KIAA0232: variants seen among roughly 807,000 people sequenced by gnomAD.
The protein encoded by KIAA0232 is uncharacterized protein KIAA0232.
In KIAA0232, 27 loss-of-function variants were observed where a neutral mutation model predicts 122.0. That is an observed-to-expected ratio of 0.22 (90% CI 0.16 to 0.31). The LOEUF is 0.31. Ranked by LOEUF, KIAA0232 falls within the 10% of genes least tolerant of loss-of-function variation. The pLI is 1.00. For synonymous variants in KIAA0232, 613 were observed against 587.6 expected (o/e 1.04, Z -0.63); for missense variants, 1,551 against 1,634.2 (o/e 0.95, Z 0.88).
Position 6,845,589 on chromosome 4 carries a change from AT to A in KIAA0232, c.369+3398del, listed in dbSNP as rs549949161. Among the ~76,000 whole-genome samples, 566 of 146,428 alleles carry A rather than the reference AT, an allele frequency of 3.9e-3. 2 individuals carry two copies. The highest frequency in any genetic ancestry group is 7.3e-3 in the African/African-American group (293 of 40,272). Reference sequence around the variant, plus strand: ...GCTTTTAAAGGAATTCAGAATGCAGATTTTTTTTTTTTTAACAAGCGAGAAG... The same window carrying A: ...GCTTTTAAAGGAATTCAGAATGCAGATTTTTTTTTTTTAACAAGCGAGAAG... On this transcript the variant is annotated intron_variant, in intron 4 of 9. Coordinates refer to ENST00000307659, the MANE Select transcript of KIAA0232 (RefSeq NM_014743.3).
intron 2 of KIAA0232, among the ~76,000 whole-genome samples, chr4:6,821,485 A>G (rs573822266): frequency 3.3e-5 from 5 of 152,040 alleles, no homozygotes; most frequent in African/African-American, 9.7e-5. Context: ...TTGGTTTTCT[A>G]TTCCTATATT....
chr4:6,786,032 C>T (rs964958688), intron 1 of KIAA0232, among the ~76,000 whole-genome samples: 9 of 152,090 alleles, frequency 5.9e-5, no homozygotes, highest in Non-Finnish European at 1.0e-4. Flanking sequence ...TATTCCTTTC[C>T]TCAATCATAG....
intron 1 of KIAA0232, among the ~76,000 whole-genome samples, chr4:6,802,544 C>T (rs553845753): frequency 6.6e-6 from 1 of 151,430 alleles, no homozygotes; most frequent in Non-Finnish European, 1.5e-5. Context: ...CTCAACCCCC[C>T]CCAACCCACC....
intron 1 of KIAA0232, among the ~76,000 whole-genome samples, chr4:6,791,803 A>G (rs1716905797): frequency 6.6e-6 from 1 of 152,182 alleles, no homozygotes; most frequent in African/African-American, 2.4e-5. Context: ...AATGCTTTCC[A>G]TATCAGACAT....
intron 1 of KIAA0232, among the ~76,000 whole-genome samples, chr4:6,800,863 G>T (rs535546229): frequency 9.8e-4 from 149 of 152,292 alleles, no homozygotes; most frequent in African/African-American, 3.1e-3. Context: ...TTATGTGAGG[G>T]GGGTGATACG....
intron 2 of KIAA0232, among the ~76,000 whole-genome samples, chr4:6,821,655 C>T (rs544446636): frequency 7.5e-5 from 11 of 147,294 alleles, no homozygotes; most frequent in Non-Finnish European, 1.5e-4. Context: ...CGTGTATATA[C>T]GTGTATGTGT....
In KIAA0232 at chr4:6,863,555, T is replaced by G. The variant is rs202226203; in HGVS notation, c.3173T>G (p.Phe1058Cys). The G allele has an allele frequency of 3.2e-5, 51 of 1,614,202 alleles. No individual in the cohort carries two copies. Among genetic ancestry groups the G allele is most frequent in the Non-Finnish European group, 1.7e-6 (2 of 1,180,046 alleles). The change falls in exon 7 of 10, where the codon TTT (phenylalanine) becomes TGT (cysteine). Residue 1058 changes from phenylalanine (F) to cysteine (C), a missense_variant. By Grantham distance (205) the Phe-to-Cys change is radical (BLOSUM62 -2). Transcript: ENST00000307659. ...FSQVLHVECS[F>C]EPEGIASFSP... is the part of the protein sequence containing the mutation. ...CAAGTTCTTCATGTAGAATGCTCATTTGAACCTGAAGGGATTGCATCTTTC... is the reference window on the plus strand; with the variant it reads ...CAAGTTCTTCATGTAGAATGCTCATGTGAACCTGAAGGGATTGCATCTTTC...
At chr4:6,803,393 A>G (rs1182691852) in intron 1 of KIAA0232, among the ~76,000 whole-genome samples, 1 of 152,182 alleles carries the variant, frequency 6.6e-6, no homozygotes. Flanking sequence ...ATGAATGCCA[A>G]ACATTGAAAC....
intron 4 of KIAA0232, 84 bp from the exon 5 acceptor site, chr4:6,857,080 C>A: frequency 1.2e-6 from 1 of 867,970 alleles, no homozygotes; most frequent in Non-Finnish European, 1.7e-6. Context: ...ATTTGTAAAA[C>A]CTGTGTATTA....
chr4:6,861,535 G>T lies in KIAA0232; in HGVS notation c.1153G>T (p.Asp385Tyr), dbSNP rs1243882840. 6.2e-7 allele frequency: 1 copy of T among 1,614,062 alleles called. No homozygotes were observed. The highest frequency in any genetic ancestry group is 8.5e-7 in the Non-Finnish European group (1 of 1,180,020). ...AGATCCTGGGAGCACTGAAGGAAAA[G>T]ACCTGTACATGGAGAATAGAAAGGA... The part of the protein sequence containing the change: ...RKDPGSTEGK[D>Y]LYMENRKDTE... Residue 385 changes from aspartate (D) to tyrosine (Y), a missense_variant, in exon 7 of 10, where the codon GAC becomes TAC. Asp to Tyr is a radical substitution (Grantham distance 160). This residue lies in a region of KIAA0232 where 377 missense variants were observed against 381.7 expected (regional missense o/e 0.99). Coordinates refer to ENST00000307659, the MANE Select transcript of KIAA0232 (RefSeq NM_014743.3).
At chr4:6,806,096 G>A (rs1425307752) in intron 2 of KIAA0232, among the ~76,000 whole-genome samples, 5 of 152,074 alleles carry the variant, frequency 3.3e-5, no homozygotes, top group African/African-American at 9.7e-5. Flanking sequence ...CTTTTGTCCT[G>A]TAAAGTGTCT....
At chr4:6,853,816 ATGT>A (rs1720423358) in intron 4 of KIAA0232, among the ~76,000 whole-genome samples, 1 of 152,214 alleles carries the variant, frequency 6.6e-6, no homozygotes, top group Admixed American at 6.5e-5. Flanking sequence ...AATACTGGAA[ATGT>A]TGTAGGGATG....
chr4:6,820,810 G>A (rs1718388768), intron 2 of KIAA0232, among the ~76,000 whole-genome samples: 1 of 152,176 alleles, frequency 6.6e-6, no homozygotes, highest in African/African-American at 2.4e-5. Flanking sequence ...ATAACAGAAT[G>A]ACACAGATTA....
intron 2 of KIAA0232, among the ~76,000 whole-genome samples, chr4:6,812,359 T>C (rs1423219723): frequency 6.6e-6 from 1 of 152,164 alleles, no homozygotes; most frequent in African/African-American, 2.4e-5. Flanking sequence ...TAGTTTAAAA[T>C]AGCCACATGT....
intron 3 of KIAA0232, among the ~76,000 whole-genome samples, chr4:6,830,863 A>G (rs1159406011): frequency 2.0e-5 from 3 of 152,022 alleles, no homozygotes; most frequent in African/African-American, 7.2e-5. Context: ...CACTGCAGTG[A>G]CAAGACTTGG....
chr4:6,842,458 A>G (rs1233896678), intron 4 of KIAA0232, among the ~76,000 whole-genome samples: 2 of 151,862 alleles, frequency 1.3e-5, no homozygotes, highest in African/African-American at 2.4e-5. Context: ...CAACTCGACT[A>G]TTTCATCCTG....
chr4:6,851,088 A>C (rs922936994), intron 4 of KIAA0232, among the ~76,000 whole-genome samples: 1 of 152,224 alleles, frequency 6.6e-6, no homozygotes, highest in African/African-American at 2.4e-5. Context: ...TCAGCCTTAT[A>C]GACTGGAGTA....
At chr4:6,866,613 A>G (rs983441894) in intron 7 of KIAA0232, among the ~76,000 whole-genome samples, 2 of 152,160 alleles carry the variant, frequency 1.3e-5, no homozygotes, top group Non-Finnish European at 2.9e-5. Context: ...TCAGGAAGCA[A>G]TCTGGGAGGC....
In KIAA0232 at chr4:6,836,233, T is replaced by G. The variant is rs555334731; in HGVS notation, c.232-5834T>G. The stretch of plus-strand genomic sequence containing the variant: ...TCTGATGACCAGTGATGATGAGCAT[T>G]TTTTCATATGTCTGTTGGCTGCATA... On this transcript the variant is annotated intron_variant, in intron 3 of 9. Coordinates refer to ENST00000307659, the MANE Select transcript of KIAA0232 (RefSeq NM_014743.3). Among the ~76,000 whole-genome samples the G allele has an allele frequency of 4.1e-4, 63 of 152,344 alleles. 3 individuals are homozygous for G. The South Asian group carries it at 0.013, about 32-fold the overall frequency.
Sources: allele counts gnomAD v4.1 joint callset (sites outside exome capture counted in the v4.1 genomes callset), GRCh38; gene constraint gnomAD v4.1.1; regional missense constraint gnomAD v4.1.1; transcripts MANE v1.5; gene names NCBI Gene and HGNC (gene_info 2026-07-23, HGNC 2026-07-21).